Variants in SASH1 observed in about 807,000 individuals in gnomAD.
SASH1 encodes SAM and SH3 domain containing 1.
A neutral mutation model predicts 125.2 loss-of-function variants in SASH1; 44 were observed. That is an observed-to-expected ratio of 0.35 (90% CI 0.28 to 0.45). The LOEUF (loss-of-function observed/expected upper bound fraction) is 0.45. Among genes scored for constraint, SASH1 ranks in the 20% least tolerant of loss-of-function variants. SASH1 has a pLI of 1.00. For synonymous variants in SASH1, 639 were observed against 649.1 expected, an observed-to-expected ratio of 0.98 and a Z score of 0.24; for missense variants, 1,426 against 1,614.5, an observed-to-expected ratio of 0.88 and a Z score of 2.00.
intron 1 of SASH1, chr6:148,283,342 CTA>C (rs1779395895): frequency 6.6e-6 from 1 of 152,344 alleles, no homozygotes; most frequent in African/African-American, 2.4e-5. Context: ...CAGACTCCTG[CTA>C]CATACCTTCC....
At chr6:148,461,480 T>C (rs1777609083) in intron 4 of SASH1, among the ~76,000 whole-genome samples, 2 of 152,204 alleles carry the variant, frequency 1.3e-5, no homozygotes, top group African/African-American at 2.4e-5. Flanking sequence ...TGCTTTTCTG[T>C]CTCAGCCAGT....
chr6:148,298,734 G>C (rs1779843874), intron 1 of SASH1, among the ~76,000 whole-genome samples: 1 of 114,398 alleles, frequency 8.7e-6, no homozygotes, highest in Admixed American at 8.5e-5. Flanking sequence ...AAGGAGGGAG[G>C]GAGGGAGGGA....
At chr6:148,387,686 T>TTCTTTCTC (rs1562371755) in intron 1 of SASH1, among the ~76,000 whole-genome samples, 3 of 126,134 alleles carry the variant, frequency 2.4e-5, no homozygotes, top group East Asian at 4.4e-4. Flanking sequence ...CTTTCTTTCT[T>TTCTTTCTC]TCTTTCGGCA....
the SASH1 span, among the ~76,000 whole-genome samples, chr6:148,242,891 ATC>A: frequency 6.6e-6 from 1 of 152,070 alleles, no homozygotes; most frequent in African/African-American, 2.4e-5. Context: ...TGCTGGGTAA[ATC>A]TGTGTTCTCC....
chr6:148,490,182 A>T (rs963112772), intron 8 of SASH1, among the ~76,000 whole-genome samples: 35 of 151,758 alleles, frequency 2.3e-4, no homozygotes, highest in African/African-American at 8.5e-4. Context: ...TTCCATAGGG[A>T]TGATAGGAAT....
At chr6:148,224,289 A>G in the SASH1 span, among the ~76,000 whole-genome samples, 6 of 151,978 alleles carry the variant, frequency 3.9e-5, no homozygotes, top group South Asian at 1.3e-3. Flanking sequence ...CCAAGCAACA[A>G]AAAAAAGTAG....
upstream of SASH1, among the ~76,000 whole-genome samples, chr6:148,269,846 G>C (rs1779022250): frequency 6.6e-6 from 1 of 152,148 alleles, no homozygotes; most frequent in African/African-American, 2.4e-5. Flanking sequence ...GCTGATAAAT[G>C]AAAATAAATT....
intron 4 of SASH1, among the ~76,000 whole-genome samples, chr6:148,451,772 A>G (rs959364727): frequency 6.6e-6 from 1 of 152,256 alleles, no homozygotes; most frequent in Non-Finnish European, 1.5e-5. Context: ...GAAGTAGACC[A>G]GATTCAGTGA....
intron 1 of SASH1, among the ~76,000 whole-genome samples, chr6:148,365,942 A>G (rs904457099): frequency 1.4e-4 from 21 of 152,048 alleles, no homozygotes; most frequent in African/African-American, 5.1e-4. Flanking sequence ...GTGAAACCTC[A>G]TCTCTACTAA....
intron 1 of SASH1, among the ~76,000 whole-genome samples, chr6:148,377,169 CAAAAA>C (rs59339599): frequency 2.1e-5 from 2 of 94,210 alleles, no homozygotes; most frequent in Admixed American, 2.4e-4. Context: ...GACTCCGTCT[CAAAAA>C]AAAAAAAAAC....
rs1286899101 is a variant in SASH1 at position 148,495,244 on chromosome 6, A to G, written c.729+7529A>G. ...TGACACAAGAAAAGGTTAACAGTGT[A>G]ATCCCTTTTTATAGAATATGGCGGA... On this transcript the variant is annotated intron_variant, in intron 8 of 19. Transcript: ENST00000367467. This position sits in a 1 kb window ranked among gnomAD's most constrained non-coding sequence, Gnocchi z 4.0. Among the ~76,000 whole-genome samples the G allele has an allele frequency of 6.6e-6, 1 of 152,212 alleles. No individual in the cohort carries two copies. The highest frequency in any genetic ancestry group is 6.5e-5 in the Admixed American group (1 of 15,284).
At chr6:148,490,046 A>G (rs1779039806) in intron 8 of SASH1, among the ~76,000 whole-genome samples, 1 of 134,952 alleles carries the variant, frequency 7.4e-6, no homozygotes, top group Non-Finnish European at 1.6e-5. Context: ...AGAAAACAAG[A>G]TCATGTCTTC....
At chr6:148,478,205 G>T (rs753273407) in intron 7 of SASH1, among the ~76,000 whole-genome samples, 1 of 152,200 alleles carries the variant, frequency 6.6e-6, no homozygotes, top group South Asian at 2.1e-4. Context: ...AGGGAAGTAA[G>T]CATAGAGCTA....
intron 9 of SASH1, among the ~76,000 whole-genome samples, chr6:148,515,047 C>A (rs192863230): frequency 1.4e-4 from 21 of 152,288 alleles, no homozygotes; most frequent in African/African-American, 4.8e-4. Flanking sequence ...CAAAAGACAT[C>A]AGCTTGGATT....
At chr6:148,490,626 T>G (rs1779069615) in intron 8 of SASH1, among the ~76,000 whole-genome samples, 1 of 152,220 alleles carries the variant, frequency 6.6e-6, no homozygotes. Flanking sequence ...ATCCTTAAAA[T>G]TTGGAAACTA....
intron 1 of SASH1, among the ~76,000 whole-genome samples, chr6:148,317,192 A>G (rs1780498807): frequency 6.6e-6 from 1 of 152,218 alleles, no homozygotes; most frequent in African/African-American, 2.4e-5. Context: ...ACCAAAGGCT[A>G]AATACTTCTC....
chr6:148,544,244 C>T lies in SASH1; in HGVS notation c.2774C>T (p.Pro925Leu), dbSNP rs1303618057. ...GCCTCTGGTCGCGGCCTGTCACCCC[C>T]TCAGTGTTTGCCCAGAAACTATGAT... The part of the protein sequence containing the change: ...IAASGRGLSP[P>L]QCLPRNYDAQ... The change falls in exon 18 of 20, where the codon CCT becomes CTT. Residue 925 changes from proline to leucine, a missense_variant. Coordinates refer to ENST00000367467, the MANE Select transcript of SASH1 (RefSeq NM_015278.5). The surrounding 1 kb of genome is among the most constrained non-coding windows in gnomAD (Gnocchi z 6.4). 3 of 1,614,192 alleles carry T rather than the reference C, an allele frequency of 1.9e-6. No homozygotes were observed. Among genetic ancestry groups the T allele is most frequent in the Non-Finnish European group, 1.7e-6 (2 of 1,180,034 alleles).
chr6:148,276,599 C>T (rs990153529), intron 1 of SASH1, among the ~76,000 whole-genome samples: 2 of 152,036 alleles, frequency 1.3e-5, no homozygotes, highest in Non-Finnish European at 2.9e-5. Flanking sequence ...GAAAAGGGAG[C>T]GGATGATGAG....
chr6:148,424,521 G>C (rs1268783611), intron 2 of SASH1, among the ~76,000 whole-genome samples: 1 of 151,946 alleles, frequency 6.6e-6, no homozygotes, highest in African/African-American at 2.4e-5. Context: ...CACCATATCC[G>C]GCCAGATGGG....
Sources: allele counts gnomAD v4.1 joint callset (sites outside exome capture counted in the v4.1 genomes callset), GRCh38; gene constraint gnomAD v4.1.1; non-coding constraint Gnocchi (gnomAD v3.1); transcripts MANE v1.5; gene names NCBI Gene and HGNC (gene_info 2026-07-23, HGNC 2026-07-21).